TTC28: variants seen among roughly 807,000 people sequenced by gnomAD.
TTC28 encodes the protein tetratricopeptide repeat domain 28, also known as tetratricopeptide repeat protein 28.
Under a neutral mutation model 198.0 loss-of-function variants are expected in TTC28, and 61 were observed. The ratio of observed to expected loss-of-function variants is 0.31; its 90% CI spans 0.25 to 0.38. The LOEUF (loss-of-function observed/expected upper bound fraction) is 0.38. TTC28 is among the 10% of genes least tolerant of loss of function. The pLI is 1.00. For missense variants in TTC28, 2,678 were observed against 3,164.0 expected, an observed-to-expected ratio of 0.85 and a Z score of 3.69; for synonymous variants, 1,171 against 1,297.8, an observed-to-expected ratio of 0.90 and a Z score of 2.10.
rs910806869 is a variant in TTC28, at chr22:28,674,257, TC to T, written c.102+5364del. Among the ~76,000 whole-genome samples, 61 of 149,024 alleles carry T rather than the reference TC, an allele frequency of 4.1e-4. No individual in the cohort carries two copies. The East Asian group carries it at 4.5e-3, about 11-fold the overall frequency. On this transcript the variant is annotated intron_variant, in intron 1 of 22. Coordinates refer to ENST00000397906, the MANE Select transcript of TTC28 (RefSeq NM_001145418.2). ...CTTGGGGTTTCTGTTTGTGGTTTTTTCTTTGTGGTTTTTTTTTTTTTTTTTT... is the reference window on the plus strand; with the variant it reads ...CTTGGGGTTTCTGTTTGTGGTTTTTTTTTGTGGTTTTTTTTTTTTTTTTTT...
At chr22:28,070,556 T>C (rs961062041) in intron 12 of TTC28, among the ~76,000 whole-genome samples, 6 of 152,012 alleles carry the variant, frequency 3.9e-5, no homozygotes, top group African/African-American at 1.4e-4. Context: ...ACAAGATGGG[T>C]GGATCACCTG....
chr22:28,607,355 G>A (rs2050751641), intron 2 of TTC28, among the ~76,000 whole-genome samples: 1 of 152,070 alleles, frequency 6.6e-6, no homozygotes, highest in South Asian at 2.1e-4. Context: ...AGAAGTAAAT[G>A]TATTTTTTCT....
chr22:28,035,371 G>A (rs899872146), intron 12 of TTC28, among the ~76,000 whole-genome samples: 1 of 152,166 alleles, frequency 6.6e-6, no homozygotes, highest in Non-Finnish European at 1.5e-5. Flanking sequence ...GCAGCAAAAC[G>A]CTCCTTCTTT....
At chr22:28,592,119 C>T (rs2050445234) in intron 2 of TTC28, among the ~76,000 whole-genome samples, 2 of 152,074 alleles carry the variant, frequency 1.3e-5, no homozygotes, top group Middle Eastern at 3.4e-3. Context: ...TGTGGTAGGA[C>T]ATGAACTAGG....
chr22:28,230,242 G>A (rs535824776), intron 5 of TTC28, among the ~76,000 whole-genome samples: 1 of 152,312 alleles, frequency 6.6e-6, no homozygotes, highest in Admixed American at 6.5e-5. Context: ...GAGAGATACA[G>A]CAAAGAATGC....
intron 2 of TTC28, among the ~76,000 whole-genome samples, chr22:28,405,924 G>A (rs2146117068): frequency 6.6e-6 from 1 of 152,344 alleles, no homozygotes; most frequent in South Asian, 2.1e-4. Context: ...TACTGCTTTA[G>A]GCACACTGCC....
At chr22:28,168,590 A>AT (rs1370811680) in intron 5 of TTC28, among the ~76,000 whole-genome samples, 4 of 152,196 alleles carry the variant, frequency 2.6e-5, no homozygotes, top group African/African-American at 9.6e-5. Context: ...CCTATTTAAT[A>AT]AATGGTGCTG....
rs531560430 is a variant in TTC28, at chr22:28,632,699, A to T, written c.103-2869T>A. On this transcript the variant is annotated intron_variant, in intron 1 of 22. Coordinates refer to ENST00000397906, the MANE Select transcript of TTC28 (RefSeq NM_001145418.2). ...GTATCTGAAAATTCAGGGGCATGAC[A>T]TAAAAATAGCAAGTAAAGACTTTTA... 3.3e-5 allele frequency among the ~76,000 whole-genome samples: 5 copies of T among 152,176 alleles called. No homozygotes were observed. In the East Asian group the frequency reaches 7.7e-4, roughly 24 times the overall value.
chr22:28,277,315 A>G (rs936798503), intron 5 of TTC28, among the ~76,000 whole-genome samples: 1 of 152,248 alleles, frequency 6.6e-6, no homozygotes, highest in Non-Finnish European at 1.5e-5. Context: ...AATTAGAGAA[A>G]AATACCTTTA....
chr22:28,551,090 TAGAC>T (rs1240353504), intron 2 of TTC28, among the ~76,000 whole-genome samples: 1 of 151,930 alleles, frequency 6.6e-6, no homozygotes, highest in Non-Finnish European at 1.5e-5. Flanking sequence ...AGAAATGAGA[TAGAC>T]AGCAACACAA....
At chr22:28,047,447 A>G (rs1207669768) in intron 12 of TTC28, among the ~76,000 whole-genome samples, 2 of 152,188 alleles carry the variant, frequency 1.3e-5, no homozygotes, top group Non-Finnish European at 2.9e-5. Flanking sequence ...GAGGCCATAG[A>G]AGGTGCACAG....
At chr22:28,028,634 G>A (rs575406863) in intron 13 of TTC28, among the ~76,000 whole-genome samples, 1 of 152,326 alleles carries the variant, frequency 6.6e-6, no homozygotes, top group South Asian at 2.1e-4. Flanking sequence ...AGAAGGATGA[G>A]GGAGGCTACA....
intron 2 of TTC28, among the ~76,000 whole-genome samples, chr22:28,342,172 C>T (rs905556789): frequency 6.6e-6 from 1 of 152,108 alleles, no homozygotes; most frequent in African/African-American, 2.4e-5. Flanking sequence ...AAACTATGTT[C>T]TAAGTGCATC....
At chr22:28,233,649 G>C (rs1336471178) in intron 5 of TTC28, among the ~76,000 whole-genome samples, 1 of 152,148 alleles carries the variant, frequency 6.6e-6, no homozygotes, top group African/African-American at 2.4e-5. Context: ...TTTGTTACAA[G>C]AGCACAATAA....
chr22:28,088,583 C>A (rs1285113641), intron 12 of TTC28, among the ~76,000 whole-genome samples: 3 of 152,070 alleles, frequency 2.0e-5, no homozygotes, highest in Non-Finnish European at 4.4e-5. Flanking sequence ...TAGGCAATAC[C>A]ATTCAGGACA....
chr22:28,402,351 G>A (rs2046926949), intron 2 of TTC28, among the ~76,000 whole-genome samples: 2 of 152,162 alleles, frequency 1.3e-5, no homozygotes, highest in South Asian at 4.1e-4. Flanking sequence ...AGCATAGAAT[G>A]TCAGTTCACT....
chr22:28,500,957 C>A (rs1190630532), intron 2 of TTC28, among the ~76,000 whole-genome samples: 1 of 152,102 alleles, frequency 6.6e-6, no homozygotes, highest in Non-Finnish European at 1.5e-5. Flanking sequence ...TGCAAACTTG[C>A]AAAACAGGAC....
intron 1 of TTC28, among the ~76,000 whole-genome samples, chr22:28,632,253 CTTTTTTTTTT>C (rs765447917): frequency 1.2e-4 from 6 of 49,698 alleles, no homozygotes; most frequent in Admixed American, 3.5e-4. Flanking sequence ...TTATATTCAA[CTTTTTTTTTT>C]TTTTTTTTTT....
At chr22:28,451,514 A>G (rs2047777553) in intron 2 of TTC28, among the ~76,000 whole-genome samples, 1 of 152,220 alleles carries the variant, frequency 6.6e-6, no homozygotes, top group East Asian at 1.9e-4. Flanking sequence ...GGTTTTTGGA[A>G]CTGCAACTTT....
Sources: gnomAD v4.1 joint callset for allele counts (sites outside exome capture counted in the v4.1 genomes callset) on GRCh38, gnomAD v4.1.1 for gene constraint, MANE v1.5 for transcripts, NCBI Gene and HGNC (gene_info 2026-07-23, HGNC 2026-07-21) for gene names.